Variants in HDX observed in about 807,000 individuals in gnomAD.
HDX encodes the protein chromosome X open reading frame 43.
Under a neutral mutation model 45.2 loss-of-function variants are expected in HDX, and 19 were observed. The ratio of observed to expected loss-of-function variants is 0.42; its 90% CI spans 0.29 to 0.62. The LOEUF (loss-of-function observed/expected upper bound fraction) is 0.62, where lower values mean the gene tolerates loss of function less well. HDX is among the 20% of genes least tolerant of loss of function. The pLI is 0.20. For missense variants in HDX, 532 were observed against 493.9 expected, an observed-to-expected ratio of 1.08 and a Z score of -0.73; for synonymous variants, 188 against 172.8, an observed-to-expected ratio of 1.09 and a Z score of -0.69.
chrX:84,354,618 T>C (rs1406130773), intron 6 of HDX, among the ~76,000 whole-genome samples: 1 of 109,729 alleles, frequency 9.1e-6, no homozygotes. Context: ...GAAAAACAAA[T>C]ATAAATTATA....
chrX:84,375,307 C>T (rs1264428871), intron 5 of HDX, among the ~76,000 whole-genome samples: 4 of 110,893 alleles, frequency 3.6e-5, no homozygotes, highest in African/African-American at 9.9e-5. Flanking sequence ...GGACTGTAAA[C>T]TAGTTCAACC....
intron 7 of HDX, among the ~76,000 whole-genome samples, chrX:84,341,246 A>G (rs781309771): frequency 3.4e-4 from 38 of 111,232 alleles, no homozygotes; most frequent in African/African-American, 1.0e-3. Context: ...ATCTCCAGGC[A>G]TATGCAATTT....
chrX:84,441,038 A>G (rs1015150871), intron 4 of HDX, among the ~76,000 whole-genome samples: 2 of 111,401 alleles, frequency 1.8e-5, no homozygotes, highest in Admixed American at 1.9e-4. Context: ...TACTACATTT[A>G]TTCTTATACA....
At chrX:84,470,487 T>G (rs1452137529) in intron 3 of HDX, among the ~76,000 whole-genome samples, 5 of 111,876 alleles carry the variant, frequency 4.5e-5, no homozygotes, top group Non-Finnish European at 9.4e-5. Context: ...CAAGAGTAAT[T>G]TTCTACTAAA....
At position 84,344,361 on chromosome X, in the gene HDX, A is replaced by G; in HGVS notation, c.1549T>C (p.Ser517Pro). 2.5e-6 allele frequency: 3 copies of G among 1,205,427 alleles called. No homozygotes were observed. The highest frequency in any genetic ancestry group is 3.4e-6 in the Non-Finnish European group (3 of 890,322). The change falls in exon 7 of 11, where the codon TCT (serine) becomes CCT (proline). Residue 517 changes from serine (S) to proline (P), a missense_variant. Physicochemically the swap from Ser to Pro is moderately conservative, Grantham distance 74 (BLOSUM62 -1). This residue lies in a region of HDX where 151 missense variants were observed against 131.8 expected (regional missense o/e 1.15). Coordinates refer to ENST00000373177, the MANE Select transcript of HDX (RefSeq NM_001177479.2). ...GGTGTGAGTGCAGATAAAGAACCAG[A>G]CTCAGGCTGCTCAGAGAAATCAGCA... is the stretch of plus-strand genomic sequence containing the variant. ...GPADFSEQPESGSLSALTPGE... is the reference protein window; with the variant it reads ...GPADFSEQPEPGSLSALTPGE...
Position 84,361,526 on chromosome X carries a change from A to G in HDX, c.1392T>C (p.Val464=), listed in dbSNP as rs1478544742. ...WDNGMTSLGS[V]CREKIEAVAT... is the part of the protein sequence containing the mutation. ...CCACAGCTTCAATTTTCTCTCTACA[A>G]ACAGAGCCCAGGCTGGTCATGCCAT... The change falls in exon 6 of 11, where the codon GTT becomes GTC. Residue 464 remains valine (V), a synonymous_variant. Transcript: ENST00000373177. 9.1e-6 allele frequency: 11 copies of G among 1,204,270 alleles called. No homozygotes were observed. In the South Asian group the frequency reaches 1.6e-4, roughly 17 times the overall value.
intron 8 of HDX, among the ~76,000 whole-genome samples, chrX:84,334,770 T>C (rs2036924216): frequency 9.1e-6 from 1 of 109,924 alleles, no homozygotes; most frequent in Admixed American, 9.7e-5. Context: ...ATTTAAACCC[T>C]GCCAACCCAA....
chrX:84,322,044 A>G (rs760953490), intron 10 of HDX, 30 bp from the exon 11 acceptor site: 2 of 1,038,831 alleles, frequency 1.9e-6, no homozygotes, highest in East Asian at 3.3e-5. Context: ...TTTTTGGATT[A>G]GTATGTGGAT....
At chrX:84,449,056 A>T (rs1207350017) in intron 4 of HDX, among the ~76,000 whole-genome samples, 1 of 108,378 alleles carries the variant, frequency 9.2e-6, no homozygotes, top group African/African-American at 3.4e-5. Flanking sequence ...GATCACACCA[A>T]GCAGAAGAAC....
chrX:84,452,219 A>G (rs2040012470), intron 4 of HDX, among the ~76,000 whole-genome samples: 1 of 111,175 alleles, frequency 9.0e-6, no homozygotes, highest in Non-Finnish European at 1.9e-5. Flanking sequence ...AATAAGTCAA[A>G]TTTTCCCTCT....
At chrX:84,490,468 A>T (rs190648712) in intron 1 of HDX, among the ~76,000 whole-genome samples, 1,665 of 111,789 alleles carry the variant, frequency 0.015, 23 homozygotes, top group African/African-American at 0.051. Context: ...TTGTTATTTT[A>T]AAAATTAAAT....
rs922928943 is a variant in HDX at position 84,321,052 on chromosome X, A to G, written c.*837T>C. ...CATAACATGTAAGAACTAAAAAAGA[A>G]TTATAAAGATGGTGATAAATTTAAA... On this transcript the variant is annotated 3_prime_UTR_variant, in exon 11 of 11. Coordinates refer to ENST00000373177, the MANE Select transcript of HDX (RefSeq NM_001177479.2). The G allele has an allele frequency of 4.5e-5, 5 of 110,938 alleles. No homozygotes were observed. Among genetic ancestry groups the G allele is most frequent in the Non-Finnish European group, 5.7e-5 (3 of 52,473 alleles). 9.1% of individuals were successfully genotyped at this position (110,938 alleles called of 1,213,427 possible).
In HDX at chrX:84,484,113, C is replaced by T. The variant is rs780916378; in HGVS notation, c.-1+3911G>A. Among the ~76,000 whole-genome samples, 5 of 112,010 alleles carry T rather than the reference C, an allele frequency of 4.5e-5. No homozygotes were observed. The South Asian group carries it at 1.9e-3, about 42-fold the overall frequency. On this transcript the variant is annotated intron_variant, in intron 2 of 10. Coordinates refer to ENST00000373177, the MANE Select transcript of HDX (RefSeq NM_001177479.2). ...CTCTAGGAAGTTACAAATTTTCTCACATTTGCCTGTCTTCTTCTGAGCCAT... is the reference window on the plus strand; with the variant it reads ...CTCTAGGAAGTTACAAATTTTCTCATATTTGCCTGTCTTCTTCTGAGCCAT...
chrX:84,351,025 A>G (rs2037337165), intron 6 of HDX, among the ~76,000 whole-genome samples: 1 of 109,485 alleles, frequency 9.1e-6, no homozygotes, highest in Middle Eastern at 4.8e-3. Context: ...CTATCTATCT[A>G]TCTATCTATC....
intron 1 of HDX, among the ~76,000 whole-genome samples, chrX:84,488,340 C>T (rs1236395079): frequency 2.7e-5 from 3 of 109,402 alleles, no homozygotes; most frequent in African/African-American, 1.0e-4. Context: ...CACACACACA[C>T]ACACACACAC....
intron 5 of HDX, among the ~76,000 whole-genome samples, chrX:84,400,742 C>A (rs766887509): frequency 1.7e-4 from 19 of 111,110 alleles, no homozygotes; most frequent in Non-Finnish European, 3.2e-4. Context: ...CTCGTACAGC[C>A]AAGAAAATCC....
chrX:84,494,797 A>G lies in HDX; in HGVS notation c.-109-6665T>C, dbSNP rs139657216. 2.9e-3 allele frequency among the ~76,000 whole-genome samples: 329 copies of G among 111,846 alleles called. 1 individual carries two copies. The highest frequency in any genetic ancestry group is 0.01 in the African/African-American group (314 of 30,888). On this transcript the variant is annotated intron_variant, in intron 1 of 10. Coordinates refer to ENST00000373177, the MANE Select transcript of HDX (RefSeq NM_001177479.2). ...TAGAGGTCTCTAAAAAATTAAAAAT[A>G]GAACTCCTACCACATATGATTCAGC... is the stretch of plus-strand genomic sequence containing the variant.
At position 84,413,582 on chromosome X, in the gene HDX, A is replaced by C. The variant is rs533280135; in HGVS notation, c.1305+26950T>G. Among the ~76,000 whole-genome samples, 3 of 111,830 alleles carry C rather than the reference A, an allele frequency of 2.7e-5. No individual in the cohort carries two copies. In the South Asian group the frequency reaches 1.1e-3, roughly 42 times the overall value. ...CCAATGCGTGGGTGATGGGCAAAGCACTTTGTAAGGGTAATGGCAGCTGAA... is the reference window on the plus strand; with the variant it reads ...CCAATGCGTGGGTGATGGGCAAAGCCCTTTGTAAGGGTAATGGCAGCTGAA... On this transcript the variant is annotated intron_variant, in intron 5 of 10. Coordinates refer to ENST00000373177, the MANE Select transcript of HDX (RefSeq NM_001177479.2).
At chrX:84,380,184 C>T (rs989173935) in intron 5 of HDX, among the ~76,000 whole-genome samples, 5 of 108,812 alleles carry the variant, frequency 4.6e-5, no homozygotes, top group African/African-American at 1.7e-4. Flanking sequence ...ATCCAAAACC[C>T]AAACAGACCA....
Sources: gnomAD v4.1 joint callset for allele counts (sites outside exome capture counted in the v4.1 genomes callset) on GRCh38, gnomAD v4.1.1 for gene constraint, gnomAD v4.1.1 regional missense constraint, MANE v1.5 for transcripts, NCBI Gene and HGNC (gene_info 2026-07-23, HGNC 2026-07-21) for gene names.